Variants in CSMD1 observed in about 807,000 individuals in gnomAD.
The protein encoded by CSMD1 is CUB and Sushi multiple domains 1.
A neutral mutation model predicts 417.5 loss-of-function variants in CSMD1; 213 were observed. The observed-to-expected ratio is 0.51, with a 90% CI of 0.46 to 0.57. The LOEUF is 0.57. CSMD1 is among the 20% of genes least tolerant of loss of function. The pLI is 0.00. For missense variants in CSMD1, 6,923 were observed against 4,529.7 expected (o/e 1.53, Z -15.17); for synonymous variants, 2,862 against 1,736.8 (o/e 1.65, Z -16.11).
At chr8:3,652,773 G>GA (rs1462258477) in intron 7 of CSMD1, among the ~76,000 whole-genome samples, 1 of 152,124 alleles carries the variant, frequency 6.6e-6, no homozygotes, top group Non-Finnish European at 1.5e-5. Flanking sequence ...ATTTGGCTGG[G>GA]AAAACAGCCC....
chr8:4,572,468 G>C (rs879677359), intron 2 of CSMD1, among the ~76,000 whole-genome samples: 1 of 152,196 alleles, frequency 6.6e-6, no homozygotes, highest in Non-Finnish European at 1.5e-5. Flanking sequence ...GGCTAGTAGG[G>C]TTTCTGCAGA....
At chr8:3,692,327 A>G (rs1800294313) in intron 7 of CSMD1, among the ~76,000 whole-genome samples, 1 of 152,198 alleles carries the variant, frequency 6.6e-6, no homozygotes, top group Non-Finnish European at 1.5e-5. Context: ...CCACATACCC[A>G]AAAGAAGAGA....
chr8:3,111,219 CA>C (rs535332850), intron 42 of CSMD1, among the ~76,000 whole-genome samples: 15 of 152,156 alleles, frequency 9.9e-5, no homozygotes, highest in African/African-American at 3.6e-4. Context: ...AACAGATAAA[CA>C]AAAAGAAAAG....
chr8:4,579,530 T>C (rs1424462521), intron 2 of CSMD1, among the ~76,000 whole-genome samples: 1 of 151,876 alleles, frequency 6.6e-6, no homozygotes. Flanking sequence ...GCCCAGCTAA[T>C]TTTTTGTATT....
At chr8:4,799,973 C>T (rs1480001683) in intron 1 of CSMD1, among the ~76,000 whole-genome samples, 1 of 150,942 alleles carries the variant, frequency 6.6e-6, no homozygotes, top group East Asian at 2.0e-4. Context: ...TGATGCTTCT[C>T]ATTTTTTCTA....
intron 7 of CSMD1, among the ~76,000 whole-genome samples, chr8:3,679,414 A>C (rs966363144): frequency 6.6e-6 from 1 of 152,328 alleles, no homozygotes; most frequent in East Asian, 1.9e-4. Context: ...ACTTTAAACC[A>C]ACAAAGATCA....
chr8:4,560,944 T>C (rs1446724694), intron 2 of CSMD1, among the ~76,000 whole-genome samples: 3 of 152,206 alleles, frequency 2.0e-5, no homozygotes, highest in Admixed American at 6.5e-5. Context: ...TATTACATTT[T>C]CTATGGACAA....
chr8:4,296,112 C>G (rs1563407679), intron 3 of CSMD1, among the ~76,000 whole-genome samples: 1 of 152,042 alleles, frequency 6.6e-6, no homozygotes. Context: ...GGAGAGAAAT[C>G]TTAATCAAAA....
intron 26 of CSMD1, among the ~76,000 whole-genome samples, chr8:3,233,166 C>G (rs1298905212): frequency 1.3e-5 from 2 of 151,884 alleles, no homozygotes; most frequent in East Asian, 1.9e-4. Flanking sequence ...TTTGTCTCCT[C>G]AAAAACTTAC....
At chr8:4,922,925 C>T (rs1181567490) in intron 1 of CSMD1, among the ~76,000 whole-genome samples, 2 of 152,100 alleles carry the variant, frequency 1.3e-5, no homozygotes, top group South Asian at 4.1e-4. Context: ...CTTCTTATTC[C>T]TAGTCTTGGT....
At chr8:3,796,275 ATCTATCATGTATAGATATATC>A (rs1399797757) in intron 5 of CSMD1, among the ~76,000 whole-genome samples, 1 of 70,476 alleles carries the variant, frequency 1.4e-5, no homozygotes, top group Non-Finnish European at 3.3e-5. Flanking sequence ...ATAGATATAT[ATCTATCATGTATAGATATATC>A]TATCATGTAT....
chr8:4,638,292 T>C (rs548524563), intron 1 of CSMD1, among the ~76,000 whole-genome samples: 1 of 152,084 alleles, frequency 6.6e-6, no homozygotes, highest in Non-Finnish European at 1.5e-5. Context: ...CATACACACC[T>C]AGCCACATAA....
intron 8 of CSMD1, among the ~76,000 whole-genome samples, chr8:3,596,570 T>C (rs1801104505): frequency 6.6e-6 from 1 of 152,164 alleles, no homozygotes; most frequent in Admixed American, 6.5e-5. Flanking sequence ...CAATCCTAAA[T>C]ACACAGAGAC....
At chr8:3,237,460 A>C (rs1356097268) in intron 26 of CSMD1, among the ~76,000 whole-genome samples, 2 of 150,940 alleles carry the variant, frequency 1.3e-5, no homozygotes, top group East Asian at 1.9e-4. Context: ...CCATCTCAAA[A>C]CAAAAAACCA....
chr8:4,049,365 A>C (rs990945126), intron 3 of CSMD1, among the ~76,000 whole-genome samples: 1 of 151,892 alleles, frequency 6.6e-6, no homozygotes, highest in Non-Finnish European at 1.5e-5. Context: ...TAGAGTTCTA[A>C]CAATCAAAAA....
chr8:4,884,477 G>C (rs530110564), intron 1 of CSMD1, among the ~76,000 whole-genome samples: 28 of 151,990 alleles, frequency 1.8e-4, no homozygotes, highest in African/African-American at 6.8e-4. Context: ...AGAGATTCAT[G>C]CCTGTGTTTT....
In CSMD1 at chr8:3,504,511, C is replaced by T. The variant is rs138225623; in HGVS notation, c.1345-10785G>A. Among the ~76,000 whole-genome samples the T allele has an allele frequency of 2.1e-4, 32 of 152,258 alleles. No individual in the cohort carries two copies. The East Asian group carries it at 2.5e-3, about 12-fold the overall frequency. ...TGTTCATTATTATCCTCATGGCAAC[C>T]CTTCATAAAAACCTTGTCATGTCTG... On this transcript the variant is annotated intron_variant, in intron 10 of 69. Coordinates refer to ENST00000635120, the MANE Select transcript of CSMD1 (RefSeq NM_033225.6).
intron 18 of CSMD1, among the ~76,000 whole-genome samples, 171 bp downstream of exon 18, chr8:3,387,323 T>C (rs1233370291): frequency 6.6e-6 from 1 of 152,048 alleles, no homozygotes; most frequent in East Asian, 1.9e-4. Context: ...CGGTGGTAGG[T>C]AAACTTCAAA....
chr8:3,687,352 C>A (rs1296107076), intron 7 of CSMD1, among the ~76,000 whole-genome samples: 2 of 152,202 alleles, frequency 1.3e-5, no homozygotes, highest in African/African-American at 2.4e-5. Flanking sequence ...CTGACTCTGT[C>A]CCCTTTCTAT....
Sources: gnomAD v4.1 joint callset for allele counts (sites outside exome capture counted in the v4.1 genomes callset) on GRCh38, gnomAD v4.1.1 for gene constraint, MANE v1.5 for transcripts, NCBI Gene and HGNC (gene_info 2026-07-23, HGNC 2026-07-21) for gene names.